NAV3: variants seen among roughly 807,000 people sequenced by gnomAD.
NAV3 encodes the protein pore membrane and/or filament interacting like protein 1.
NAV3 carries 87 observed loss-of-function variants against 244.7 expected under a neutral mutation model. That is an observed-to-expected ratio of 0.36 (90% CI 0.30 to 0.42). NAV3 has a LOEUF of 0.42. Ranked by LOEUF, NAV3 falls within the 20% of genes least tolerant of loss-of-function variation. NAV3 has a pLI of 1.00. For missense variants in NAV3, 2,663 were observed against 2,893.3 expected (o/e 0.92, Z 1.83); for synonymous variants, 1,126 against 1,042.2 (o/e 1.08, Z -1.55).
intron 2 of NAV3, among the ~76,000 whole-genome samples, chr12:77,726,573 GA>G (rs991270217): frequency 1.8e-4 from 27 of 151,342 alleles, no homozygotes; most frequent in African/African-American, 5.1e-4. Flanking sequence ...TGGAAAGAAT[GA>G]AAAAAAATGG....
intron 2 of NAV3, among the ~76,000 whole-genome samples, chr12:77,583,181 T>C (rs1869447043): frequency 6.6e-6 from 1 of 152,222 alleles, no homozygotes; most frequent in South Asian, 2.1e-4. Flanking sequence ...TCTGCCTGCT[T>C]TTCAAATTTT....
chr12:78,076,532 T>C (rs1953059824), intron 12 of NAV3, among the ~76,000 whole-genome samples: 2 of 152,164 alleles, frequency 1.3e-5, no homozygotes, highest in Non-Finnish European at 2.9e-5. Context: ...ATCATATGCA[T>C]CTTAATGTTT....
At chr12:77,687,296 T>C (rs1180063434) in intron 2 of NAV3, among the ~76,000 whole-genome samples, 1 of 25,992 alleles carries the variant, frequency 3.8e-5, no homozygotes, top group Non-Finnish European at 1.2e-4. Flanking sequence ...TTGTTTTTAT[T>C]AGGAGTATTA....
At chr12:77,700,894 T>G (rs1875529791) in intron 2 of NAV3, among the ~76,000 whole-genome samples, 1 of 150,776 alleles carries the variant, frequency 6.6e-6, no homozygotes, top group Admixed American at 6.6e-5. Flanking sequence ...TAAACCCAAT[T>G]TAGTCATTAT....
At chr12:77,610,632 G>A (rs1478345677) in intron 2 of NAV3, among the ~76,000 whole-genome samples, 4 of 152,016 alleles carry the variant, frequency 2.6e-5, no homozygotes, top group African/African-American at 9.7e-5. Flanking sequence ...TAATTCTAGA[G>A]ACCTGGAATC....
At chr12:78,166,994 A>C (rs396961) in intron 23 of NAV3, among the ~76,000 whole-genome samples, 7,159 of 151,888 alleles carry the variant, frequency 0.047, 196 homozygotes, top group Non-Finnish European at 0.071. Flanking sequence ...TACGTTGTAT[A>C]ATTAATATTT....
At chr12:77,867,013 TG>T (rs1227888294) in intron 1 of NAV3, among the ~76,000 whole-genome samples, 9 of 152,326 alleles carry the variant, frequency 5.9e-5, no homozygotes, top group African/African-American at 2.2e-4. Flanking sequence ...CTAAACACTT[TG>T]GTAGACCCAA....
intron 12 of NAV3, among the ~76,000 whole-genome samples, chr12:78,095,069 A>ATATATATATATATATATATATG (rs1954170601): frequency 1.3e-5 from 1 of 78,614 alleles, no homozygotes; most frequent in Non-Finnish European, 4.6e-5. Flanking sequence ...ATATATACAC[A>ATATATATATATATATATATATG]CACACACACA....
chr12:77,902,590 G>C (rs1885436904), intron 1 of NAV3, among the ~76,000 whole-genome samples: 1 of 152,084 alleles, frequency 6.6e-6, no homozygotes, highest in African/African-American at 2.4e-5. Flanking sequence ...CACAAGACAG[G>C]GATGCCCTCT....
chr12:77,622,126 C>T (rs954834493), intron 2 of NAV3, among the ~76,000 whole-genome samples: 4 of 152,028 alleles, frequency 2.6e-5, no homozygotes, highest in Admixed American at 6.6e-5. Context: ...GCAGGAAACT[C>T]ATAGCCTCTG....
intron 2 of NAV3, among the ~76,000 whole-genome samples, chr12:77,708,040 T>C (rs1388226062): frequency 6.6e-6 from 1 of 152,230 alleles, no homozygotes; most frequent in African/African-American, 2.4e-5. Flanking sequence ...TTTCTTTTGC[T>C]GTGCAGAAGC....
intron 39 of NAV3, among the ~76,000 whole-genome samples, chr12:78,209,222 A>T (rs993994216): frequency 6.6e-6 from 1 of 152,122 alleles, no homozygotes; most frequent in Admixed American, 6.6e-5. Context: ...GAAATTGGTG[A>T]TTACCAGTTT....
intron 1 of NAV3, among the ~76,000 whole-genome samples, chr12:77,934,482 A>T (rs557681028): frequency 6.6e-6 from 1 of 152,194 alleles, no homozygotes; most frequent in South Asian, 2.1e-4. Flanking sequence ...TCCAAATGCT[A>T]CTTTGAAACT....
intron 2 of NAV3, among the ~76,000 whole-genome samples, chr12:77,610,839 T>C (rs1870879678): frequency 6.6e-6 from 1 of 152,020 alleles, no homozygotes; most frequent in African/African-American, 2.4e-5. Context: ...TGCAAAGAGA[T>C]ATTTTAAGAG....
At chr12:77,793,473 G>A (rs1871273897) in intron 2 of NAV3, among the ~76,000 whole-genome samples, 1 of 151,862 alleles carries the variant, frequency 6.6e-6, no homozygotes, top group African/African-American at 2.4e-5. Flanking sequence ...CCCTCCACTT[G>A]CCCCCCACAC....
At chr12:78,015,403 A>G (rs1236834732) in intron 8 of NAV3, among the ~76,000 whole-genome samples, 5 of 152,024 alleles carry the variant, frequency 3.3e-5, no homozygotes, top group African/African-American at 9.7e-5. Context: ...GACTTTCATG[A>G]TATTGATATA....
intron 22 of NAV3, among the ~76,000 whole-genome samples, chr12:78,156,652 A>G (rs1957316303): frequency 6.6e-6 from 1 of 152,120 alleles, no homozygotes; most frequent in South Asian, 2.1e-4. Flanking sequence ...TAAAATGGAA[A>G]TATTGAGTAA....
intron 2 of NAV3, among the ~76,000 whole-genome samples, chr12:77,808,269 A>G (rs1201207737): frequency 6.6e-6 from 1 of 151,856 alleles, no homozygotes; most frequent in Non-Finnish European, 1.5e-5. Flanking sequence ...TGGTTTTTGG[A>G]ATTTTCTGCC....
rs1181987564 is a variant in NAV3, at chr12:77,633,617, C to G, written c.72+61351C>G. ...TAAAATATTTAAGGAAAAAACAAAA[C>G]CAACTTAAATCCAAAAAAATACTAT... On this transcript the variant is annotated intron_variant, in intron 2 of 8. Coordinates refer to the NAV3 transcript ENST00000550042. Among the ~76,000 whole-genome samples the G allele has an allele frequency of 3.3e-5, 5 of 152,124 alleles. No homozygotes were observed. In the East Asian group the frequency reaches 7.7e-4, roughly 23 times the overall value.
Sources: allele counts gnomAD v4.1 joint callset (sites outside exome capture counted in the v4.1 genomes callset), GRCh38; gene constraint gnomAD v4.1.1; transcripts MANE v1.5; gene names NCBI Gene and HGNC (gene_info 2026-07-23, HGNC 2026-07-21).